The following STPG2 variants were observed in gnomAD, a reference collection of about 807,000 sequenced individuals.
STPG2 encodes the protein sperm-tail PG-rich repeat-containing protein 2.
Under a neutral mutation model 54.2 loss-of-function variants are expected in STPG2, and 56 were observed. The ratio of observed to expected loss-of-function variants is 1.03; its 90% confidence interval spans 0.83 to 1.29. STPG2 has a LOEUF of 1.29. Among genes scored for constraint, STPG2 ranks in the 50% most tolerant of loss-of-function variants. The probability of loss-of-function intolerance (pLI) is 0.00; values close to 1 mark genes in which losing one functional copy is unlikely to be tolerated. For synonymous variants in STPG2, 200 were observed against 181.8 expected, an observed-to-expected ratio of 1.10 and a Z score of -0.81; for missense variants, 596 against 544.9, an observed-to-expected ratio of 1.09 and a Z score of -0.93.
At position 97,781,470 on chromosome 4, in the gene STPG2, A is replaced by T. The variant is rs186448138; in HGVS notation, c.1204+59303T>A. Among the ~76,000 whole-genome samples the T allele has an allele frequency of 1.7e-3, 263 of 152,326 alleles. 2 individuals are homozygous for T. Among genetic ancestry groups the T allele is most frequent in the African/African-American group, 5.4e-3 (226 of 41,574 alleles). On this transcript the variant is annotated intron_variant, in intron 9 of 10. Transcript: ENST00000295268. ...TACCAACCAAAAAAAGTCCAGGACC[A>T]GATGGATTCACAGCCGAATTCTACC...
At chr4:97,881,565 T>C (rs922932187) in intron 8 of STPG2, among the ~76,000 whole-genome samples, 15 of 152,178 alleles carry the variant, frequency 9.9e-5, no homozygotes, top group Non-Finnish European at 2.1e-4. Flanking sequence ...TAGATGATTC[T>C]TTGGGAAATG....
intron 7 of STPG2, among the ~76,000 whole-genome samples, chr4:97,955,835 T>A (rs1733653703): frequency 6.6e-6 from 1 of 152,112 alleles, no homozygotes; most frequent in Non-Finnish European, 1.5e-5. Flanking sequence ...AAAAACAAAA[T>A]ATTATTAAAG....
At chr4:98,110,189 A>C (rs917198017) in intron 3 of STPG2, among the ~76,000 whole-genome samples, 3 of 152,062 alleles carry the variant, frequency 2.0e-5, no homozygotes, top group African/African-American at 7.2e-5. Context: ...CCCCCAGCCA[A>C]GAATGTCAGG....
At chr4:97,647,221 T>C (rs982389118) in intron 10 of STPG2, among the ~76,000 whole-genome samples, 12 of 152,202 alleles carry the variant, frequency 7.9e-5, no homozygotes. Context: ...GTTAAAGTTC[T>C]GGCTCTGCCA....
intron 10 of STPG2, among the ~76,000 whole-genome samples, chr4:97,649,790 G>A (rs558824507): frequency 3.3e-5 from 5 of 152,164 alleles, no homozygotes; most frequent in African/African-American, 4.8e-5. Flanking sequence ...ACCAGGGACC[G>A]GTTTCATGGA....
chr4:97,857,745 C>A (rs1299306398), intron 8 of STPG2, among the ~76,000 whole-genome samples: 1 of 151,702 alleles, frequency 6.6e-6, no homozygotes, highest in Non-Finnish European at 1.5e-5. Context: ...ACCTTTCAGA[C>A]AGAAAATTCA....
chr4:98,035,908 G>A (rs775042217), intron 5 of STPG2, among the ~76,000 whole-genome samples: 10 of 151,966 alleles, frequency 6.6e-5, no homozygotes, highest in Non-Finnish European at 1.2e-4. Flanking sequence ...AGAACACATG[G>A]ACACAGGGAG....
chr4:97,593,728 A>C (rs772673200), intron 10 of STPG2, among the ~76,000 whole-genome samples: 23 of 152,256 alleles, frequency 1.5e-4, no homozygotes, highest in Non-Finnish European at 3.4e-4. Flanking sequence ...CACTGCTCTA[A>C]GGAAGCACTT....
At chr4:97,855,479 A>G (rs1310548919) in intron 8 of STPG2, among the ~76,000 whole-genome samples, 3 of 151,984 alleles carry the variant, frequency 2.0e-5, no homozygotes, top group Non-Finnish European at 4.4e-5. Context: ...TATTTTGAGA[A>G]GTGTCTGTTC....
chr4:97,706,208 G>T (rs116299912), intron 10 of STPG2, among the ~76,000 whole-genome samples: 2 of 152,082 alleles, frequency 1.3e-5, no homozygotes, highest in African/African-American at 4.8e-5. Context: ...GATAACGGAG[G>T]ACTAGACACA....
chr4:97,546,943 G>C (rs983049232), intron 4 of STPG2, among the ~76,000 whole-genome samples: 7 of 152,100 alleles, frequency 4.6e-5, no homozygotes, highest in Non-Finnish European at 8.8e-5. Flanking sequence ...AAATATAGAA[G>C]AGACATATAA....
chr4:98,084,571 A>T (rs1343915070), intron 5 of STPG2, among the ~76,000 whole-genome samples: 1 of 152,186 alleles, frequency 6.6e-6, no homozygotes, highest in Non-Finnish European at 1.5e-5. Context: ...TTACATTCCC[A>T]TAAGGGATGT....
intron 8 of STPG2, among the ~76,000 whole-genome samples, chr4:97,871,371 T>A (rs1446369947): frequency 6.6e-6 from 1 of 150,750 alleles, no homozygotes; most frequent in Non-Finnish European, 1.5e-5. Flanking sequence ...TTTGAAAGAA[T>A]TAACAAAATA....
At chr4:97,596,863 A>G (rs1486629943) in intron 10 of STPG2, among the ~76,000 whole-genome samples, 1 of 152,148 alleles carries the variant, frequency 6.6e-6, no homozygotes, top group East Asian at 1.9e-4. Context: ...GGAGCTAGAG[A>G]AACAAGAGCA....
chr4:97,503,212 A>T (rs1367626625), intron 4 of STPG2, among the ~76,000 whole-genome samples: 3 of 151,982 alleles, frequency 2.0e-5, no homozygotes, highest in African/African-American at 7.2e-5. Context: ...CAGAATCTCT[A>T]TAAGCTAGTT....
intron 9 of STPG2, among the ~76,000 whole-genome samples, chr4:97,794,514 A>G (rs369831577): frequency 1.3e-5 from 2 of 152,164 alleles, no homozygotes; most frequent in East Asian, 1.9e-4. Flanking sequence ...AAAGAATAAG[A>G]AAATTGCAAA....
intron 8 of STPG2, among the ~76,000 whole-genome samples, chr4:97,845,027 G>T (rs1728907499): frequency 6.6e-6 from 1 of 150,736 alleles, no homozygotes; most frequent in Admixed American, 6.6e-5. Context: ...TTGTTTCTTT[G>T]CTTGCTTCTA....
chr4:97,864,962 A>C (rs1729709012), intron 8 of STPG2, among the ~76,000 whole-genome samples: 1 of 152,202 alleles, frequency 6.6e-6, no homozygotes. Flanking sequence ...TAAAGACTTA[A>C]ATATTATACC....
chr4:97,684,616 G>A (rs3974914), intron 10 of STPG2, among the ~76,000 whole-genome samples: 89,413 of 151,766 alleles, frequency 0.59, 26,654 homozygotes, highest in South Asian at 0.68. Flanking sequence ...GTAGACCTAA[G>A]TATAAAATAC....
Sources: allele counts gnomAD v4.1 joint callset (sites outside exome capture counted in the v4.1 genomes callset), GRCh38; gene constraint gnomAD v4.1.1; transcripts MANE v1.5; gene names NCBI Gene and HGNC (gene_info 2026-07-23, HGNC 2026-07-21).